The following MCTP1 variants were observed in gnomAD, a reference collection of about 807,000 sequenced individuals.
MCTP1 encodes multiple C2 and transmembrane domain containing 1.
In MCTP1, 69 loss-of-function variants were observed where a neutral mutation model predicts 120.6. The observed-to-expected ratio is 0.57, with a 90% CI of 0.47 to 0.70. MCTP1 has a LOEUF of 0.70. MCTP1 is among the 30% of genes least tolerant of loss of function. The pLI is 0.00. For synonymous variants in MCTP1, 529 were observed against 493.1 expected, an observed-to-expected ratio of 1.07 and a Z score of -0.96; for missense variants, 1,203 against 1,248.8, an observed-to-expected ratio of 0.96 and a Z score of 0.55.
At chr5:94,818,536 G>T (rs527338333) in intron 17 of MCTP1, among the ~76,000 whole-genome samples, 1 of 152,248 alleles carries the variant, frequency 6.6e-6, no homozygotes, top group African/African-American at 2.4e-5. Flanking sequence ...TACATACTGC[G>T]CTAGAGGCTT....
intron 1 of MCTP1, among the ~76,000 whole-genome samples, chr5:95,028,017 C>T (rs1839594454): frequency 6.6e-6 from 1 of 152,152 alleles, no homozygotes; most frequent in Admixed American, 6.5e-5. Flanking sequence ...TGCACAGCAC[C>T]CCTGAGGGAC....
chr5:94,894,760 T>A lies in MCTP1; in HGVS notation c.1728A>T (p.Gly576=). The change falls in exon 11 of 23, where the codon GGA becomes GGT. Residue 576 remains glycine (G), a synonymous_variant. Coordinates refer to ENST00000515393, the MANE Select transcript of MCTP1 (RefSeq NM_024717.7). ...KLELQLEEGE[G]HLVLLVTLTA... The stretch of plus-strand genomic sequence containing the variant: ...TCAGAGTGACCAGCAGCACCAGGTG[T>A]CCCTCACCCTCTTCCAGCTGCAACT... 1 of 1,613,528 alleles carries A rather than the reference T, an allele frequency of 6.2e-7. No homozygotes were observed. Among genetic ancestry groups the A allele is most frequent in the East Asian group, 2.2e-5 (1 of 44,862 alleles).
intron 18 of MCTP1, among the ~76,000 whole-genome samples, chr5:94,798,783 T>G (rs1168765187): frequency 6.6e-6 from 1 of 152,160 alleles, no homozygotes; most frequent in East Asian, 1.9e-4. Flanking sequence ...TTCTTTGATG[T>G]TGCTCCCTGT....
intron 19 of MCTP1, among the ~76,000 whole-genome samples, chr5:94,721,438 C>T (rs1042612000): frequency 2.0e-5 from 3 of 152,150 alleles, no homozygotes; most frequent in Admixed American, 6.5e-5. Context: ...TGCTTTGTTA[C>T]TACTGCACTC....
At chr5:95,002,483 G>A (rs1473024220) in intron 2 of MCTP1, among the ~76,000 whole-genome samples, 1 of 152,200 alleles carries the variant, frequency 6.6e-6, no homozygotes, top group African/African-American at 2.4e-5. Context: ...CAAGGCTGTG[G>A]GAGCCCACCT....
intron 5 of MCTP1, among the ~76,000 whole-genome samples, chr5:94,937,121 A>G (rs1343929256): frequency 6.6e-6 from 1 of 152,082 alleles, no homozygotes; most frequent in Non-Finnish European, 1.5e-5. Context: ...GCCCTGGTTG[A>G]GCCACTTGCT....
intron 17 of MCTP1, among the ~76,000 whole-genome samples, chr5:94,854,242 G>C (rs1490178842): frequency 6.6e-6 from 1 of 151,810 alleles, no homozygotes; most frequent in Non-Finnish European, 1.5e-5. Context: ...AACACAGTAA[G>C]AAAAATTAAA....
intron 17 of MCTP1, among the ~76,000 whole-genome samples, chr5:94,856,575 A>C (rs1225682694): frequency 4.6e-5 from 7 of 151,580 alleles, no homozygotes; most frequent in African/African-American, 1.7e-4. Context: ...TTGCATTCAG[A>C]CTTGGTTTAG....
intron 10 of MCTP1, among the ~76,000 whole-genome samples, chr5:94,896,620 C>T (rs778257845): frequency 2.6e-5 from 4 of 152,102 alleles, no homozygotes; most frequent in African/African-American, 4.8e-5. Flanking sequence ...GGGGAAACTG[C>T]TCTCAAGATT....
chr5:94,949,677 A>G (rs71641031), intron 3 of MCTP1, among the ~76,000 whole-genome samples: 6,013 of 152,252 alleles, frequency 0.039, 167 homozygotes, highest in Middle Eastern at 0.092. Flanking sequence ...GATAGAAATC[A>G]GATTACAGGG....
rs201478517 is a variant in MCTP1 at position 94,940,150 on chromosome 5, G to A, written c.1107C>T (p.Asp369=). 9 of 1,609,860 alleles carry A rather than the reference G, an allele frequency of 5.6e-6. No homozygotes were observed. Among genetic ancestry groups the A allele is most frequent in the Non-Finnish European group, 7.6e-6 (9 of 1,177,162 alleles). ...AGAGCAAAATGATTCCAAGATCATG[G>A]TCAGGATAATGAGGATCTTTCAGAG... ...TLTLKDPHYP[D]HDLGIILLSV... Residue 369 remains aspartate (D), a synonymous_variant, in exon 5 of 23, where the codon GAC becomes GAT. Coordinates refer to ENST00000515393, the MANE Select transcript of MCTP1 (RefSeq NM_024717.7).
chr5:95,257,089 C>A (rs749233217), intron 1 of MCTP1, among the ~76,000 whole-genome samples: 2 of 152,102 alleles, frequency 1.3e-5, no homozygotes, highest in Non-Finnish European at 1.5e-5. Flanking sequence ...GAAACTCTGG[C>A]ATAAGAAATA....
At chr5:94,894,099 C>T (rs1402140874) in intron 11 of MCTP1, among the ~76,000 whole-genome samples, 2 of 152,296 alleles carry the variant, frequency 1.3e-5, no homozygotes, top group East Asian at 1.9e-4. Context: ...CTATTCCATA[C>T]TATCGTTCCA....
chr5:95,245,051 C>A (rs1485273830), intron 1 of MCTP1, among the ~76,000 whole-genome samples: 1 of 152,096 alleles, frequency 6.6e-6, no homozygotes. Flanking sequence ...CTGGAGTGGA[C>A]CTCCAGCAAA....
chr5:95,232,922 T>C (rs916339710), intron 1 of MCTP1, among the ~76,000 whole-genome samples: 18 of 152,204 alleles, frequency 1.2e-4, no homozygotes, highest in African/African-American at 4.3e-4. Context: ...ATTATAATCC[T>C]AAATATTTAT....
intron 2 of MCTP1, among the ~76,000 whole-genome samples, chr5:94,970,395 C>A (rs1303905870): frequency 1.3e-5 from 2 of 151,960 alleles, no homozygotes; most frequent in Non-Finnish European, 2.9e-5. Context: ...ATAACTTATT[C>A]AAATTCCCTT....
chr5:94,801,198 A>C (rs1270877361), intron 17 of MCTP1, among the ~76,000 whole-genome samples: 1 of 152,182 alleles, frequency 6.6e-6, no homozygotes, highest in African/African-American at 2.4e-5. Flanking sequence ...TTTTGTTTTC[A>C]TTCACTGTTT....
At chr5:95,016,312 A>C (rs1837098352) in intron 2 of MCTP1, among the ~76,000 whole-genome samples, 1 of 152,072 alleles carries the variant, frequency 6.6e-6, no homozygotes, top group Non-Finnish European at 1.5e-5. Context: ...CACCACACCC[A>C]GACAAGAATG....
At chr5:95,178,603 A>G (rs534053297) in intron 1 of MCTP1, among the ~76,000 whole-genome samples, 1 of 152,302 alleles carries the variant, frequency 6.6e-6, no homozygotes, top group African/African-American at 2.4e-5. Flanking sequence ...CCTCTCAGGA[A>G]GCCCCATCCC....
Sources: allele counts gnomAD v4.1 joint callset (sites outside exome capture counted in the v4.1 genomes callset), GRCh38; gene constraint gnomAD v4.1.1; transcripts MANE v1.5; gene names NCBI Gene and HGNC (gene_info 2026-07-23, HGNC 2026-07-21).